Variants in IL17REL observed in about 807,000 individuals in gnomAD.
The protein encoded by IL17REL is interleukin 17 receptor E like, also known as interleukin-17 receptor E-like protein.
IL17REL carries 36 observed loss-of-function variants against 49.0 expected under a neutral mutation model. That is an observed-to-expected ratio of 0.73 (90% confidence interval 0.56 to 0.97). IL17REL has a LOEUF of 0.97. Ranked by LOEUF, IL17REL falls within the 50% of genes least tolerant of loss-of-function variation. The probability of loss-of-function intolerance (pLI) is 0.00; values close to 1 mark genes in which losing one functional copy is unlikely to be tolerated. For synonymous variants in IL17REL, 206 were observed against 192.4 expected (o/e 1.07, Z -0.58); for missense variants, 470 against 453.9 (o/e 1.04, Z -0.32).
At chr22:50,010,986 CG>C (rs2061137935), upstream of IL17REL, among the ~76,000 whole-genome samples, 1 of 147,236 alleles carries the variant, frequency 6.8e-6, no homozygotes, top group Non-Finnish European at 1.5e-5. Context: ...CCCAGCCTCC[CG>C]CCGTCACCCG....
chr22:50,008,019 G>A (rs966232289), intron 1 of IL17REL, among the ~76,000 whole-genome samples: 1 of 152,156 alleles, frequency 6.6e-6, no homozygotes, highest in South Asian at 2.1e-4. Context: ...CAGGAGGATC[G>A]CTTGAGCCCA....
rs1292560726 is a variant in IL17REL at position 49,999,297 on chromosome 22, C to A, written c.595G>T (p.Glu199Ter). 6.2e-7 allele frequency: 1 copy of A among 1,613,026 alleles called. No homozygotes were observed. The highest frequency in any genetic ancestry group is 1.7e-5 in the Admixed American group (1 of 60,030). Residue 199 changes from glutamate to a stop codon, truncating the protein, a stop_gained, in exon 7 of 13, where the codon GAA (glutamate) becomes TAA (stop). Transcript: ENST00000341280. LOFTEE classifies it high-confidence loss of function. ...GGCATCGCAGGACACTTGCCGTTTT[C>A]AAAGGGGCAGATCTGGATCCGCACC...
Position 49,999,317 on chromosome 22 carries a change from C to T in IL17REL, c.575G>A (p.Arg192Gln), listed in dbSNP as rs1021422002. 7 of 1,612,900 alleles carry T rather than the reference C, an allele frequency of 4.3e-6. No homozygotes were observed. Among genetic ancestry groups the T allele is most frequent in the South Asian group, 1.1e-5 (1 of 91,080 alleles). ...GTTTTCAAAGGGGCAGATCTGGATC[C>T]GCACCGCGTCAGGGGTCGCAGACCA... The change falls in exon 7 of 13, where the codon CGG becomes CAG. Residue 192 changes from arginine (R) to glutamine (Q), a missense_variant. Transcript: ENST00000341280.
chr22:50,010,735 G>T (rs939402642), upstream of IL17REL, among the ~76,000 whole-genome samples: 1 of 152,064 alleles, frequency 6.6e-6, no homozygotes, highest in Non-Finnish European at 1.5e-5. Flanking sequence ...GGCGCGGAAC[G>T]TCGCGCGGTT....
At chr22:49,998,989 G>C (rs185807812) in intron 7 of IL17REL, among the ~76,000 whole-genome samples, 6 of 152,088 alleles carry the variant, frequency 3.9e-5, no homozygotes, top group Admixed American at 2.6e-4. Flanking sequence ...GTGCAGCGTC[G>C]CTGAGCAGAA....
intron 1 of IL17REL, among the ~76,000 whole-genome samples, chr22:50,004,741 G>A (rs562055727): frequency 6.6e-6 from 1 of 151,772 alleles, no homozygotes; most frequent in African/African-American, 2.4e-5. Flanking sequence ...CACACCTGTA[G>A]TCCTAGCTAC....
At chr22:49,996,797 A>AC (rs928096265) in exon 13 of IL17REL, 1 of 510,060 alleles carries the variant, frequency 2.0e-6, no homozygotes, top group African/African-American at 2.0e-5. Flanking sequence ...AGAGATGGGC[A>AC]CCCACTGGAG....
intron 11 of IL17REL, 51 bp from the exon 14 acceptor site, chr22:49,997,125 C>T: frequency 6.6e-7 from 1 of 1,523,146 alleles, no homozygotes; most frequent in Non-Finnish European, 8.9e-7. Context: ...GTGGATCAGG[C>T]TAAACACTGT....
downstream of IL17REL, among the ~76,000 whole-genome samples, chr22:49,992,095 T>C (rs1005095034): frequency 3.3e-5 from 5 of 152,230 alleles, no homozygotes; most frequent in East Asian, 3.8e-4. Context: ...AAATCAGATA[T>C]GCATTTATCT....
chr22:49,999,949 C>A, exon 5 of IL17REL: 1 of 1,520,038 alleles, frequency 6.6e-7, no homozygotes, highest in Non-Finnish European at 8.8e-7. Context: ...CCGGTCCACC[C>A]AGTAGCTGAG....
At chr22:50,007,770 C>A (rs2146759798) in intron 1 of IL17REL, among the ~76,000 whole-genome samples, 1 of 152,218 alleles carries the variant, frequency 6.6e-6, no homozygotes, top group South Asian at 2.1e-4. Context: ...CTAATCTCCT[C>A]CCTTAAGCTT....
At chr22:50,002,006 T>G in intron 1 of IL17REL, among the ~76,000 whole-genome samples, 1 of 151,300 alleles carries the variant, frequency 6.6e-6, no homozygotes, top group South Asian at 2.1e-4. Context: ...GGCAGGAGAG[T>G]AAGGAATGAG....
chr22:50,000,118 G>A, intron 4 of IL17REL, 78 bp downstream of exon 6: 1 of 928,228 alleles, frequency 1.1e-6, no homozygotes, highest in Non-Finnish European at 1.5e-6. Flanking sequence ...TTCCCAAATG[G>A]GGCAGAAGAC....
upstream of IL17REL, chr22:50,012,664 G>A (rs1883290): frequency 3.4e-4 from 52 of 152,436 alleles, no homozygotes; most frequent in African/African-American, 1.2e-3. Context: ...TGCAGTGAGA[G>A]CTCCCACTGG....
At chr22:50,001,337 C>T (rs1457322901) in intron 1 of IL17REL, 106 bp from the exon 3 acceptor site, 2 of 600,400 alleles carry the variant, frequency 3.3e-6, no homozygotes, top group African/African-American at 1.9e-5. Context: ...CAGTCTTTGC[C>T]AGGGGGTCTT....
chr22:50,001,764 G>A (rs2061081624), intron 1 of IL17REL, among the ~76,000 whole-genome samples: 1 of 152,206 alleles, frequency 6.6e-6, no homozygotes, highest in South Asian at 2.1e-4. Flanking sequence ...TGGGCAGTGT[G>A]GAGCTGGGTA....
chr22:49,999,852 G>C (rs998679748), exon 5 of IL17REL: 1 of 1,523,976 alleles, frequency 6.6e-7, no homozygotes, highest in Admixed American at 2.1e-5. Context: ...CGGCGTCCTC[G>C]CAGGTGAACC....
chr22:50,010,839 G>T (rs1050064660), upstream of IL17REL, among the ~76,000 whole-genome samples: 3 of 151,592 alleles, frequency 2.0e-5, no homozygotes, highest in African/African-American at 7.3e-5. Flanking sequence ...CTGAGCCCGG[G>T]CGCTGGGCGC....
exon 3 of IL17REL, chr22:50,000,844 C>T (rs753810602): frequency 1.4e-5 from 22 of 1,582,146 alleles, no homozygotes; most frequent in Non-Finnish European, 1.9e-5. Context: ...TGGCACAGGC[C>T]TCCAGGCCCC....
Sources: gnomAD v4.1 joint callset for allele counts (sites outside exome capture counted in the v4.1 genomes callset) on GRCh38, gnomAD v4.1.1 for gene constraint, MANE v1.5 for transcripts, NCBI Gene and HGNC (gene_info 2026-07-23, HGNC 2026-07-21) for gene names.